The following NVL variants were observed in gnomAD, a reference collection of about 807,000 sequenced individuals.
The protein encoded by NVL is nuclear valosin-containing protein-like.
In NVL, 84 loss-of-function variants were observed where a neutral mutation model predicts 110.2. The ratio of observed to expected loss-of-function variants is 0.76; its 90% CI spans 0.64 to 0.91. The LOEUF is 0.91. NVL is among the 40% of genes least tolerant of loss of function. NVL has a pLI of 0.00. For missense variants in NVL, 882 were observed against 1,035.9 expected (o/e 0.85, Z 2.04); for synonymous variants, 354 against 361.1 (o/e 0.98, Z 0.22).
chr1:224,289,852 TAA>T, intron 12 of NVL, 119 bp from the exon 13 acceptor site: 1 of 851,950 alleles, frequency 1.2e-6, no homozygotes, highest in Non-Finnish European at 1.8e-6. Flanking sequence ...GGATACTATA[TAA>T]GATCAAATAG....
chr1:224,230,183 A>C (rs1240729514), intron 22 of NVL, among the ~76,000 whole-genome samples: 1 of 152,034 alleles, frequency 6.6e-6, no homozygotes, highest in East Asian at 1.9e-4. Flanking sequence ...AGATGTTTTT[A>C]TTTCCCTGAA....
At position 224,317,733 on chromosome 1, in the gene NVL, T is replaced by C; in HGVS notation, c.245A>G (p.His82Arg). The C allele has an allele frequency of 1.2e-6, 2 of 1,609,864 alleles. No individual in the cohort carries two copies. The highest frequency in any genetic ancestry group is 1.7e-6 in the Non-Finnish European group (2 of 1,176,428). Residue 82 changes from histidine to arginine, a missense_variant, in exon 4 of 23, where the codon CAT becomes CGT. His to Arg is a conservative substitution (Grantham distance 29, BLOSUM62 0). This residue lies in a region of NVL where 274 missense variants were observed against 268.4 expected (regional missense o/e 1.02). Coordinates refer to ENST00000281701, the MANE Select transcript of NVL (RefSeq NM_002533.4). ...LKNLTELEDE[H>R]LAKRARQGEE... ...ACCTTGTCTTGCCCTTTTTGCCAAA[T>C]GTTCATCTTCTAATTCTGTTAAATT...
intron 19 of NVL, among the ~76,000 whole-genome samples, chr1:224,237,577 C>G (rs143591859): frequency 3.9e-5 from 6 of 152,128 alleles, no homozygotes; most frequent in African/African-American, 4.8e-5. Flanking sequence ...CAGAGGCAAA[C>G]AAAACAAGCT....
At chr1:224,321,361 G>A (rs1003491829) in intron 2 of NVL, among the ~76,000 whole-genome samples, 8 of 152,150 alleles carry the variant, frequency 5.3e-5, no homozygotes, top group African/African-American at 1.9e-4. Flanking sequence ...CTGGTTTGAG[G>A]GCCATAGTTT....
At chr1:224,300,847 A>G (rs991894400) in intron 9 of NVL, among the ~76,000 whole-genome samples, 184 bp from the exon 10 acceptor site, 4 of 152,166 alleles carry the variant, frequency 2.6e-5, no homozygotes, top group Non-Finnish European at 4.4e-5. Context: ...GCTCAGGCCT[A>G]TAATCCCACT....
At chr1:224,237,280 G>T (rs543224155) in intron 19 of NVL, among the ~76,000 whole-genome samples, 53 of 152,270 alleles carry the variant, frequency 3.5e-4, no homozygotes, top group African/African-American at 1.3e-3. Flanking sequence ...ACTGAACCTG[G>T]CCAGGAGAGA....
chr1:224,286,017 A>C lies in NVL; in HGVS notation c.1899+9T>G. 1 of 1,603,630 alleles carries C rather than the reference A, an allele frequency of 6.2e-7. No homozygotes were observed. Among genetic ancestry groups the C allele is most frequent in the Non-Finnish European group, 8.5e-7 (1 of 1,170,558 alleles). On this transcript the variant is annotated intron_variant, in intron 15 of 22. Transcript: ENST00000281701. ...AAATAAATTACATGCAATTGAACTT[A>C]TATGATACCTTCGCCAGCAGAGTCT...
In NVL at chr1:224,236,537, T is replaced by C. The variant is rs76700603; in HGVS notation, c.2335A>G (p.Ile779Val). The change falls in exon 20 of 23, where the codon ATT becomes GTT. Residue 779 changes from isoleucine (I) to valine (V), a missense_variant. By Grantham distance (29) the Ile-to-Val change is conservative. This residue lies in a region of NVL where 126 missense variants were observed against 140.7 expected (regional missense o/e 0.90). Coordinates refer to ENST00000281701, the MANE Select transcript of NVL (RefSeq NM_002533.4). ...CAATCACAGCGAAGGTCACCAGCAATTGCTTCCAAATTTACATCTGCATCC... is the reference window on the plus strand; with the variant it reads ...CAATCACAGCGAAGGTCACCAGCAACTGCTTCCAAATTTACATCTGCATCC... ...PLDADVNLEA[I>V]AGDLRCDCYT... The C allele has an allele frequency of 7.1e-4, 1,145 of 1,614,034 alleles. 13 individuals carry two copies. The African/African-American group carries it at 0.013, about 18-fold the overall frequency.
chr1:224,274,924 A>G (rs1665601872), intron 17 of NVL, among the ~76,000 whole-genome samples: 1 of 152,066 alleles, frequency 6.6e-6, no homozygotes. Flanking sequence ...ACTTTAAGAG[A>G]AAAGGTTTTG....
At chr1:224,326,637 AAATTT>A (rs1671171639) in intron 1 of NVL, among the ~76,000 whole-genome samples, 173 bp from the exon 2 acceptor site, 2 of 152,236 alleles carry the variant, frequency 1.3e-5, no homozygotes, top group Non-Finnish European at 2.9e-5. Flanking sequence ...TGAAATCAGA[AAATTT>A]AATTAACATT....
chr1:224,227,818 T>A (rs193059333), intron 22 of NVL, 148 bp from the exon 23 acceptor site: 1 of 531,640 alleles, frequency 1.9e-6, no homozygotes, highest in East Asian at 3.6e-5. Flanking sequence ...TAGAGGAGAC[T>A]GGATTAAAAT....
At chr1:224,268,255 C>A in intron 17 of NVL, 122 bp from the exon 18 acceptor site, 1 of 699,162 alleles carries the variant, frequency 1.4e-6, no homozygotes, top group South Asian at 1.8e-5. Flanking sequence ...TTTTCTGAGG[C>A]GTCACTATAT....
chr1:224,328,164 T>G (rs1671326603), intron 1 of NVL, among the ~76,000 whole-genome samples: 1 of 152,294 alleles, frequency 6.6e-6, no homozygotes, highest in South Asian at 2.1e-4. Flanking sequence ...GGTGGTTTCC[T>G]GCACCCATCA....
chr1:224,309,550 T>C (rs1212522020), intron 5 of NVL, among the ~76,000 whole-genome samples: 1 of 151,644 alleles, frequency 6.6e-6, no homozygotes, highest in African/African-American at 2.4e-5. Flanking sequence ...TTTGATAATA[T>C]ATTCAAAACT....
At chr1:224,320,437 AG>A (rs1670527706) in intron 2 of NVL, among the ~76,000 whole-genome samples, 1 of 152,186 alleles carries the variant, frequency 6.6e-6, no homozygotes, top group Admixed American at 6.5e-5. Context: ...ATTTGCGGTC[AG>A]GAGTTCGAAA....
At chr1:224,311,762 G>T in intron 5 of NVL, 38 bp downstream of exon 5, 1 of 1,555,382 alleles carries the variant, frequency 6.4e-7, no homozygotes, top group Non-Finnish European at 8.9e-7. Context: ...AACTAAAAAA[G>T]AAAAAATCTA....
At position 224,233,183 on chromosome 1, in the gene NVL, T is replaced by C; in HGVS notation, c.2455+18A>G. On this transcript the variant is annotated intron_variant, in intron 21 of 22. Transcript: ENST00000281701. ...AAGTATCATAATTAGAATTGAGAGA[T>C]TCTGGAGAGAATTGTACCTTTTTCA... 1 of 1,599,814 alleles carries C rather than the reference T, an allele frequency of 6.3e-7. No individual in the cohort carries two copies. The highest frequency in any genetic ancestry group is 8.5e-7 in the Non-Finnish European group (1 of 1,171,390).
At chr1:224,234,549 TATG>T (rs1660259374) in intron 20 of NVL, among the ~76,000 whole-genome samples, 1 of 151,704 alleles carries the variant, frequency 6.6e-6, no homozygotes, top group Admixed American at 6.6e-5. Flanking sequence ...GCGTCCTGGG[TATG>T]AGTGATTCTC....
intron 2 of NVL, 119 bp from the exon 3 acceptor site, chr1:224,318,049 T>C: frequency 1.7e-6 from 1 of 601,556 alleles, no homozygotes; most frequent in South Asian, 2.6e-5. Context: ...GTATAGACAC[T>C]TGCCATAACC....
Sources: allele counts gnomAD v4.1 joint callset (sites outside exome capture counted in the v4.1 genomes callset), GRCh38; gene constraint gnomAD v4.1.1; regional missense constraint gnomAD v4.1.1; transcripts MANE v1.5; gene names NCBI Gene and HGNC (gene_info 2026-07-23, HGNC 2026-07-21).